The following OPHN1 variants were observed in gnomAD, a reference collection of about 807,000 sequenced individuals.
OPHN1 encodes the protein oligophrenin-1.
OPHN1 carries 11 observed loss-of-function variants against 60.7 expected under a neutral mutation model. The ratio of observed to expected loss-of-function variants is 0.18; its 90% confidence interval spans 0.11 to 0.30. OPHN1 has a LOEUF of 0.30. Ranked by LOEUF, OPHN1 falls within the 10% of genes least tolerant of loss-of-function variation. The probability of loss-of-function intolerance (pLI) is 1.00; values close to 1 mark genes in which losing one functional copy is unlikely to be tolerated. For missense variants in OPHN1, 449 were observed against 611.0 expected (o/e 0.73, Z 2.80); for synonymous variants, 226 against 222.6 (o/e 1.02, Z -0.14).
intron 2 of OPHN1, among the ~76,000 whole-genome samples, chrX:68,422,264 T>A (rs2078829670): frequency 9.0e-6 from 1 of 110,637 alleles, no homozygotes; most frequent in Non-Finnish European, 1.9e-5. Context: ...GAAAGAGCCT[T>A]GGACCCAGCA....
At chrX:68,187,765 C>A (rs907641512) in intron 15 of OPHN1, among the ~76,000 whole-genome samples, 12 of 110,044 alleles carry the variant, frequency 1.1e-4, no homozygotes, top group Non-Finnish European at 3.8e-5. Context: ...TTAGCTGGGA[C>A]TACAGGTGCC....
chrX:68,139,651 T>G (rs961265486), intron 15 of OPHN1, among the ~76,000 whole-genome samples: 1 of 112,646 alleles, frequency 8.9e-6, no homozygotes, highest in African/African-American at 3.2e-5. Flanking sequence ...GTAGACTTTC[T>G]TTTTATTGTT....
Position 68,276,130 on chromosome X carries a change from A to G in OPHN1, c.313-1321T>C, listed in dbSNP as rs778779667. 2.7e-5 allele frequency among the ~76,000 whole-genome samples: 3 copies of G among 111,916 alleles called. No individual in the cohort carries two copies. The South Asian group carries it at 1.1e-3, about 42-fold the overall frequency. On this transcript the variant is annotated intron_variant, in intron 4 of 24. Transcript: ENST00000355520. ...GTTGGCTTTCTAAAACTTGTTTGCT[A>G]CAAGCCTAGACTTAAAAAATCATGA... is the stretch of plus-strand genomic sequence containing the variant.
intron 15 of OPHN1, among the ~76,000 whole-genome samples, chrX:68,181,125 A>G (rs2077434587): frequency 9.0e-6 from 1 of 111,529 alleles, no homozygotes; most frequent in South Asian, 3.8e-4. Context: ...AAAGGTTATT[A>G]AGACAATATT....
At chrX:68,280,249 C>T (rs189128546) in intron 4 of OPHN1, among the ~76,000 whole-genome samples, 257 of 111,855 alleles carry the variant, frequency 2.3e-3, no homozygotes, top group African/African-American at 4.6e-3. Flanking sequence ...AAAAACCATG[C>T]TTACATAATC....
chrX:68,323,579 G>T (rs956050358), intron 2 of OPHN1, among the ~76,000 whole-genome samples: 3 of 111,964 alleles, frequency 2.7e-5, no homozygotes, highest in Admixed American at 1.9e-4. Context: ...TGAGGGCAAA[G>T]ATTTTTATCT....
At chrX:68,116,033 A>G (rs1041175249) in intron 16 of OPHN1, among the ~76,000 whole-genome samples, 7 of 112,223 alleles carry the variant, frequency 6.2e-5, no homozygotes, top group Non-Finnish European at 1.1e-4. Flanking sequence ...CTGGTTGACA[A>G]TTGGTTGAGT....
chrX:68,206,711 A>G, intron 9 of OPHN1, 38 bp from the exon 10 acceptor site: 7 of 1,010,220 alleles, frequency 6.9e-6, no homozygotes, highest in Non-Finnish European at 7.0e-6. Context: ...CAGAATAACT[A>G]TTTTAGCTGT....
At chrX:68,154,596 T>C (rs1041752151) in intron 15 of OPHN1, among the ~76,000 whole-genome samples, 1 of 112,217 alleles carries the variant, frequency 8.9e-6, no homozygotes, top group Non-Finnish European at 1.9e-5. Flanking sequence ...ACTGGTCTAC[T>C]ATGATTCTTA....
At chrX:68,200,700 AT>A (rs976540456) in intron 11 of OPHN1, among the ~76,000 whole-genome samples, 4 of 111,614 alleles carry the variant, frequency 3.6e-5, no homozygotes, top group African/African-American at 1.3e-4. Flanking sequence ...TTATTCCCCA[AT>A]TTTTTTAAAA....
At chrX:68,203,338 T>C (rs1462987681) in intron 10 of OPHN1, among the ~76,000 whole-genome samples, 3 of 111,843 alleles carry the variant, frequency 2.7e-5, no homozygotes, top group South Asian at 3.7e-4. Flanking sequence ...AAACCCACTG[T>C]GGTATCTCAA....
chrX:68,359,906 G>A lies in OPHN1; in HGVS notation c.155-60810C>T, dbSNP rs192474391. On this transcript the variant is annotated intron_variant, in intron 2 of 24. Coordinates refer to ENST00000355520, the MANE Select transcript of OPHN1 (RefSeq NM_002547.3). ...AAGAATTGCCTAGTACAGCATGAGA[G>A]CCAGAATGCCTAAGTTCAAATCACC... 2.7e-3 allele frequency among the ~76,000 whole-genome samples: 271 copies of A among 101,521 alleles called. 2 individuals are homozygous for A. The highest frequency in any genetic ancestry group is 0.01 in the Middle Eastern group (2 of 193). The allele number at this position is 101,521 out of a possible 115,157, so 88.2% of individuals were successfully genotyped here.
intron 2 of OPHN1, among the ~76,000 whole-genome samples, chrX:68,331,208 T>A (rs777349733): frequency 8.4e-4 from 90 of 106,595 alleles, no homozygotes; most frequent in Non-Finnish European, 7.1e-4. Context: ...TATATAATAG[T>A]TATATCTTAT....
intron 5 of OPHN1, among the ~76,000 whole-genome samples, chrX:68,242,616 T>G (rs2077786934): frequency 9.0e-6 from 1 of 111,180 alleles, no homozygotes; most frequent in South Asian, 3.8e-4. Flanking sequence ...AGATACTTGG[T>G]GACCAATGTT....
At chrX:68,230,237 T>C (rs1463307636) in intron 6 of OPHN1, among the ~76,000 whole-genome samples, 2 of 111,223 alleles carry the variant, frequency 1.8e-5, no homozygotes, top group Non-Finnish European at 3.8e-5. Flanking sequence ...CCAGTTAGAA[T>C]GGCAATCATT....
At chrX:68,120,585 A>T (rs5919524) in intron 15 of OPHN1, among the ~76,000 whole-genome samples, 52,442 of 110,639 alleles carry the variant, frequency 0.47, 10,481 homozygotes, top group South Asian at 0.7. Flanking sequence ...CTCTGGGTTC[A>T]ATGCAATTCC....
intron 10 of OPHN1, among the ~76,000 whole-genome samples, chrX:68,203,315 A>C (rs2077543805): frequency 9.0e-6 from 1 of 111,621 alleles, no homozygotes; most frequent in African/African-American, 3.3e-5. Context: ...CAATCTATTA[A>C]ATGGGAATAA....
intron 18 of OPHN1, among the ~76,000 whole-genome samples, chrX:68,107,763 A>G (rs1385212922): frequency 8.9e-6 from 1 of 112,193 alleles, no homozygotes; most frequent in East Asian, 2.8e-4. Flanking sequence ...GGCCTGAGCC[A>G]CTGCACTTGG....
chrX:68,321,729 A>T, intron 2 of OPHN1, among the ~76,000 whole-genome samples: 1 of 111,139 alleles, frequency 9.0e-6, no homozygotes, highest in Middle Eastern at 4.6e-3. Context: ...GGAGTTTGAG[A>T]CTAGCCTGGC....
Sources: allele counts gnomAD v4.1 joint callset (sites outside exome capture counted in the v4.1 genomes callset), GRCh38; gene constraint gnomAD v4.1.1; transcripts MANE v1.5; gene names NCBI Gene and HGNC (gene_info 2026-07-23, HGNC 2026-07-21).